Variants in MCCC2 observed in about 807,000 individuals in gnomAD.
The protein encoded by MCCC2 is methylcrotonyl-CoA carboxylase subunit 2, also known as methylcrotonoyl-CoA carboxylase beta chain, mitochondrial.
In MCCC2, 52 loss-of-function variants were observed where a neutral mutation model predicts 77.2. That is an observed-to-expected ratio of 0.67 (90% CI 0.54 to 0.85). The LOEUF (loss-of-function observed/expected upper bound fraction) is 0.85, where lower values mean the gene tolerates loss of function less well. Ranked by LOEUF, MCCC2 falls within the 40% of genes least tolerant of loss-of-function variation. The pLI is 0.00. For synonymous variants in MCCC2, 253 were observed against 248.4 expected, an observed-to-expected ratio of 1.02 and a Z score of -0.18; for missense variants, 682 against 703.2, an observed-to-expected ratio of 0.97 and a Z score of 0.34.
chr5:71,633,122 TATA>T (rs1561841386), intron 8 of MCCC2, among the ~76,000 whole-genome samples: 6 of 115,810 alleles, frequency 5.2e-5, no homozygotes, highest in African/African-American at 1.4e-4. Flanking sequence ...TATATATATA[TATA>T]TATATATTTT....
At position 71,602,457 on chromosome 5, in the gene MCCC2, T is replaced by C. The variant is rs191462987; in HGVS notation, c.384-49T>C. ...TATCTTGTAATGAGTGTAATTAGTT[T>C]TGAAGAAATCTCTTAAATTCTCTCT... On this transcript the variant is annotated intron_variant, in intron 4 of 16. Transcript: ENST00000340941. The C allele has an allele frequency of 6.2e-6, 10 of 1,613,380 alleles. No individual in the cohort carries two copies. The African/African-American group carries it at 1.2e-4, about 19-fold the overall frequency.
Position 71,657,361 on chromosome 5 carries a change from T to C in MCCC2, c.*501T>C. 1 of 167,774 alleles carries C rather than the reference T, an allele frequency of 6.0e-6. No homozygotes were observed. Among genetic ancestry groups the C allele is most frequent in the East Asian group, 1.7e-4 (1 of 5,862 alleles). The allele number at this position is 167,774 out of a possible 1,614,324, so 10.4% of individuals were successfully genotyped here. ...CCAGAATTTGTTCTCAGTCCCAAAC[T>C]GAAACTATACCATTCAAACAACAGC... On this transcript the variant is annotated 3_prime_UTR_variant, in exon 17 of 17. Coordinates refer to ENST00000340941, the MANE Select transcript of MCCC2 (RefSeq NM_022132.5).
At chr5:71,642,270 A>G (rs184784480) in intron 11 of MCCC2, among the ~76,000 whole-genome samples, 1 of 152,042 alleles carries the variant, frequency 6.6e-6, no homozygotes, top group Non-Finnish European at 1.5e-5. Flanking sequence ...GGTGGCGGAT[A>G]AGAAGGATGG....
At chr5:71,654,979 C>T (rs528542446) in intron 16 of MCCC2, among the ~76,000 whole-genome samples, 6 of 152,058 alleles carry the variant, frequency 3.9e-5, no homozygotes, top group South Asian at 4.2e-4. Flanking sequence ...GGATTACAGG[C>T]GTGTGCCACC....
chr5:71,603,920 G>A (rs1745560601), intron 5 of MCCC2, among the ~76,000 whole-genome samples: 1 of 152,110 alleles, frequency 6.6e-6, no homozygotes, highest in African/African-American at 2.4e-5. Flanking sequence ...GCTCTGCTTT[G>A]AACGCAACTG....
At chr5:71,614,860 C>G (rs1380994737) in intron 6 of MCCC2, among the ~76,000 whole-genome samples, 4 of 152,086 alleles carry the variant, frequency 2.6e-5, no homozygotes, top group Non-Finnish European at 5.9e-5. Flanking sequence ...CACGTTGATA[C>G]CTTTTCTTTA....
At chr5:71,587,581 C>T in intron 1 of MCCC2, 27 bp downstream of exon 1, 1 of 1,530,332 alleles carries the variant, frequency 6.5e-7, no homozygotes, top group South Asian at 1.2e-5. Flanking sequence ...GGTGGCCTGG[C>T]CGCCGGTGCC....
At chr5:71,617,474 A>G (rs1234866202) in intron 6 of MCCC2, among the ~76,000 whole-genome samples, 1 of 152,184 alleles carries the variant, frequency 6.6e-6, no homozygotes, top group African/African-American at 2.4e-5. Context: ...ATATCCTCAC[A>G]CATTTCCCTG....
intron 15 of MCCC2, among the ~76,000 whole-genome samples, chr5:71,651,353 G>T (rs1561848783): frequency 6.6e-6 from 1 of 152,244 alleles, no homozygotes; most frequent in African/African-American, 2.4e-5. Context: ...ATGAAAGGCA[G>T]ATCAGCAAGC....
Position 71,635,146 on chromosome 5 carries a change from T to A in MCCC2, c.904-5T>A, listed in dbSNP as rs753258629. 3 of 1,614,002 alleles carry A rather than the reference T, an allele frequency of 1.9e-6. No individual in the cohort carries two copies. The highest frequency in any genetic ancestry group is 1.3e-5 in the African/African-American group (1 of 74,946). On this transcript the variant is annotated splice_polypyrimidine_tract_variant and splice_region_variant and intron_variant, in intron 9 of 16. Transcript: ENST00000340941. ...AACAGGTTAACATGATCTATATTTC[T>A]GCAGGTCACCATTGAACCTTCTGAA...
intron 3 of MCCC2, among the ~76,000 whole-genome samples, chr5:71,598,280 A>G (rs1745272072): frequency 6.6e-6 from 1 of 151,882 alleles, no homozygotes; most frequent in African/African-American, 2.4e-5. Flanking sequence ...CATGTTGCCC[A>G]GGATGGTCTC....
intron 6 of MCCC2, among the ~76,000 whole-genome samples, chr5:71,607,497 A>G (rs1210191882): frequency 1.4e-5 from 2 of 144,994 alleles, no homozygotes; most frequent in East Asian, 2.0e-4. Flanking sequence ...CTAGCGGTCT[A>G]TCAATTTTGT....
Position 71,634,925 on chromosome 5 carries a change from A to C in MCCC2, c.804-18A>C, listed in dbSNP as rs1210758867. 1 of 1,608,816 alleles carries C rather than the reference A, an allele frequency of 6.2e-7. No homozygotes were observed. Among genetic ancestry groups the C allele is most frequent in the Non-Finnish European group, 8.5e-7 (1 of 1,175,612 alleles). On this transcript the variant is annotated intron_variant, in intron 8 of 16. Coordinates refer to ENST00000340941, the MANE Select transcript of MCCC2 (RefSeq NM_022132.5). ...TCCTTTTCCCTGTTCTGACAAGTTTAGTTTGCTTATTCTGTAGAAAGTCTG... is the reference window on the plus strand; with the variant it reads ...TCCTTTTCCCTGTTCTGACAAGTTTCGTTTGCTTATTCTGTAGAAAGTCTG...
intron 11 of MCCC2, among the ~76,000 whole-genome samples, chr5:71,642,799 G>T (rs1747162487): frequency 6.6e-6 from 1 of 152,190 alleles, no homozygotes; most frequent in Non-Finnish European, 1.5e-5. Flanking sequence ...AATACATGTA[G>T]GTGGCCATCA....
intron 10 of MCCC2, among the ~76,000 whole-genome samples, chr5:71,638,961 C>G (rs1747027367): frequency 1.3e-5 from 2 of 152,122 alleles, no homozygotes; most frequent in African/African-American, 4.8e-5. Context: ...CTTGAGTGAC[C>G]AGGTATATTG....
At chr5:71,638,512 C>G (rs968086089) in intron 10 of MCCC2, among the ~76,000 whole-genome samples, 1 of 152,160 alleles carries the variant, frequency 6.6e-6, no homozygotes, top group African/African-American at 2.4e-5. Flanking sequence ...GCAGCTATAG[C>G]CTGAGGAAAT....
At chr5:71,634,146 G>T (rs1301933538) in intron 8 of MCCC2, among the ~76,000 whole-genome samples, 2 of 152,172 alleles carry the variant, frequency 1.3e-5, no homozygotes, top group Non-Finnish European at 2.9e-5. Flanking sequence ...TTTCAGGTAT[G>T]TATTTTTGAC....
chr5:71,611,666 A>T (rs1200388039), intron 6 of MCCC2, among the ~76,000 whole-genome samples: 1 of 152,228 alleles, frequency 6.6e-6, no homozygotes, highest in Admixed American at 6.5e-5. Context: ...ATAAACATGC[A>T]CGTGGGAGCG....
intron 2 of MCCC2, among the ~76,000 whole-genome samples, chr5:71,593,664 A>G (rs1276201126): frequency 6.6e-6 from 1 of 152,082 alleles, no homozygotes; most frequent in Non-Finnish European, 1.5e-5. Flanking sequence ...CTGGGATTAC[A>G]GGTATGAGCC....
Sources: gnomAD v4.1 joint callset for allele counts (sites outside exome capture counted in the v4.1 genomes callset) on GRCh38, gnomAD v4.1.1 for gene constraint, MANE v1.5 for transcripts, NCBI Gene and HGNC (gene_info 2026-07-23, HGNC 2026-07-21) for gene names.